The following PTPRF variants were observed in gnomAD, a reference collection of about 807,000 sequenced individuals.
The protein encoded by PTPRF is receptor-type tyrosine-protein phosphatase F.
A neutral mutation model predicts 201.8 loss-of-function variants in PTPRF; 59 were observed. The observed-to-expected ratio is 0.29, with a 90% CI of 0.24 to 0.36. The LOEUF (loss-of-function observed/expected upper bound fraction) is 0.36, where lower values mean the gene tolerates loss of function less well. Among genes scored for constraint, PTPRF ranks in the 10% least tolerant of loss-of-function variants. The pLI, the probability that PTPRF is intolerant of heterozygous loss-of-function variation, is 1.00. For missense variants in PTPRF, 2,132 were observed against 2,690.5 expected (o/e 0.79, Z 4.59); for synonymous variants, 1,088 against 1,089.7 (o/e 1.00, Z 0.03).
intron 7 of PTPRF, among the ~76,000 whole-genome samples, chr1:43,580,383 C>G (rs985653528): frequency 6.6e-6 from 1 of 152,172 alleles, no homozygotes; most frequent in African/African-American, 2.4e-5. Flanking sequence ...CCAGCCCATT[C>G]GGTGACCAGT....
intron 23 of PTPRF, among the ~76,000 whole-genome samples, chr1:43,615,976 G>A (rs1161587196): frequency 6.6e-6 from 1 of 152,128 alleles, no homozygotes; most frequent in Non-Finnish European, 1.5e-5. Flanking sequence ...GTCGTGGGGA[G>A]CATGTGCAGA....
rs542750376 is a variant in PTPRF at position 43,535,680 on chromosome 1, C to T, written c.-125-2518C>T. On this transcript the variant is annotated intron_variant, in intron 1 of 33. Coordinates refer to ENST00000359947, the MANE Select transcript of PTPRF (RefSeq NM_002840.5). The stretch of plus-strand genomic sequence containing the variant: ...GGGAACCCTACTGGGGCCAGCCCTG[C>T]GTTGGCCCCAAGGGCTTTCTTTCTT... Among the ~76,000 whole-genome samples, 3 of 152,302 alleles carry T rather than the reference C, an allele frequency of 2.0e-5. No homozygotes were observed. In the East Asian group the frequency reaches 5.8e-4, roughly 29 times the overall value.
At chr1:43,594,184 C>T (rs902428027) in intron 11 of PTPRF, among the ~76,000 whole-genome samples, 3 of 150,598 alleles carry the variant, frequency 2.0e-5, no homozygotes, top group East Asian at 2.0e-4. Context: ...AGGTCACACA[C>T]AGCCTCTTGA....
intron 33 of PTPRF, among the ~76,000 whole-genome samples, 170 bp from the exon 34 acceptor site, chr1:43,621,765 C>T (rs1282916311): frequency 2.0e-5 from 3 of 152,148 alleles, no homozygotes; most frequent in Non-Finnish European, 2.9e-5. Flanking sequence ...AGAGATGAGC[C>T]TTCAGAGGCT....
intron 1 of PTPRF, among the ~76,000 whole-genome samples, chr1:43,536,309 G>T (rs543322176): frequency 2.0e-5 from 3 of 152,192 alleles, no homozygotes; most frequent in African/African-American, 4.8e-5. Flanking sequence ...CCAGACTGAC[G>T]TGGTTCAAAG....
intron 7 of PTPRF, among the ~76,000 whole-genome samples, chr1:43,582,233 A>G (rs1420599243): frequency 1.3e-5 from 2 of 152,258 alleles, no homozygotes; most frequent in Non-Finnish European, 2.9e-5. Context: ...TGCCAGGCAC[A>G]CAGGAAGCAC....
intron 3 of PTPRF, among the ~76,000 whole-genome samples, chr1:43,547,025 A>AT (rs1644723445): frequency 1.3e-5 from 2 of 152,160 alleles, no homozygotes; most frequent in African/African-American, 4.8e-5. Context: ...TCTGCATTCC[A>AT]AAGGTAGAGT....
At chr1:43,598,654 GC>G in intron 12 of PTPRF, 65 bp from the exon 13 acceptor site, 2 of 1,473,480 alleles carry the variant, frequency 1.4e-6, no homozygotes, top group Non-Finnish European at 1.9e-6. Flanking sequence ...CCTCAAGTTT[GC>G]TGTGCCCACC....
At chr1:43,545,581 C>T (rs147970279) in intron 3 of PTPRF, among the ~76,000 whole-genome samples, 35 of 152,190 alleles carry the variant, frequency 2.3e-4, no homozygotes, top group African/African-American at 7.9e-4. Context: ...GCCCAGGACG[C>T]GGGTGTGTCC....
At chr1:43,582,669 C>T (rs1310761568) in intron 7 of PTPRF, 1 of 152,350 alleles carries the variant, frequency 6.6e-6, no homozygotes, top group East Asian at 1.9e-4. Flanking sequence ...GGGGTGGCTT[C>T]TAGTGGCTCC....
At chr1:43,559,321 G>A (rs1433552114) in intron 5 of PTPRF, among the ~76,000 whole-genome samples, 1 of 152,194 alleles carries the variant, frequency 6.6e-6, no homozygotes, top group Non-Finnish European at 1.5e-5. Flanking sequence ...TGTGTATGCA[G>A]CGCGCAGTGT....
intron 1 of PTPRF, 98 bp from the exon 2 acceptor site, chr1:43,538,100 T>C (rs371723294): frequency 1.1e-4 from 42 of 397,610 alleles, no homozygotes; most frequent in African/African-American, 2.9e-4. Context: ...TGCTTTTTTT[T>C]CTGCATAAAC....
rs1159222810 is a variant in PTPRF at position 43,591,995 on chromosome 1, G to A, written c.1668+47G>A. 11 of 1,608,268 alleles carry A rather than the reference G, an allele frequency of 6.8e-6. No homozygotes were observed. In the East Asian group the frequency reaches 2.2e-4, roughly 33 times the overall value. ...ACTGAGGGGGTCTCCTGGTCCCTGA[G>A]GGTCTGTGATGGGCTTAACCCAGGA... On this transcript the variant is annotated intron_variant, in intron 10 of 33. Transcript: ENST00000359947.
intron 9 of PTPRF, 117 bp downstream of exon 9, chr1:43,591,670 T>C: frequency 2.8e-6 from 4 of 1,437,010 alleles, no homozygotes; most frequent in Non-Finnish European, 3.7e-6. Flanking sequence ...AGGATCAAGG[T>C]GCCGTATTCC....
rs1020272144 is a variant in PTPRF, at chr1:43,603,161, GT to G, written c.2341-253del. On this transcript the variant is annotated intron_variant, in intron 14 of 33. Transcript: ENST00000359947. This position sits in a 1 kb window ranked among gnomAD's most constrained non-coding sequence, Gnocchi z 5.8. ...AGTGAGGGAAACAGTCTGGCCCTTTGTTCTTGTCTGAAAAGAATAATGAGCT... is the reference window on the plus strand; with the variant it reads ...AGTGAGGGAAACAGTCTGGCCCTTTGTCTTGTCTGAAAAGAATAATGAGCT... Among the ~76,000 whole-genome samples, 10 of 152,158 alleles carry G rather than the reference GT, an allele frequency of 6.6e-5. No homozygotes were observed. Among genetic ancestry groups the G allele is most frequent in the African/African-American group, 2.4e-4 (10 of 41,426 alleles).
chr1:43,549,748 G>A (rs1212727765), intron 3 of PTPRF, among the ~76,000 whole-genome samples: 1 of 152,034 alleles, frequency 6.6e-6, no homozygotes, highest in East Asian at 1.9e-4. Flanking sequence ...CCAGCTACTC[G>A]GGAGGCTGAG....
At position 43,617,745 on chromosome 1, in the gene PTPRF, G is replaced by A; in HGVS notation, c.4205G>A (p.Gly1402Glu). 6.2e-7 allele frequency: 1 copy of A among 1,613,462 alleles called. No homozygotes were observed. The highest frequency in any genetic ancestry group is 8.5e-7 in the Non-Finnish European group (1 of 1,179,502). ...CCTTTCTTATCCATAGGCGTCCCCG[G>A]GAGTGACTACATCAATGCCAACTAC... Reference protein sequence around the residue: ...VILTSIDGVPGSDYINANYID... With the variant: ...VILTSIDGVPESDYINANYID... Residue 1402 changes from glycine to glutamate, a missense_variant, in exon 25 of 34, where the codon GGG becomes GAG. Gly to Glu is a moderately conservative substitution (Grantham distance 98). Transcript: ENST00000359947.
chr1:43,588,687 GTGTCCTGCCCGGCC>G lies in PTPRF; in HGVS notation c.680-40_680-27del. On this transcript the variant is annotated intron_variant, in intron 7 of 33. Coordinates refer to ENST00000359947, the MANE Select transcript of PTPRF (RefSeq NM_002840.5). This position sits in a 1 kb window ranked among gnomAD's most constrained non-coding sequence, Gnocchi z 5.3. ...GGCCCCTGCCCTTCCATGCAGTCGT[GTGTCCTGCCCGGCC>G]TGTGAGTGCCTCTCTCCCTCCTCCT... The G allele has an allele frequency of 6.2e-7, 1 of 1,604,064 alleles. No individual in the cohort carries two copies. Among genetic ancestry groups the G allele is most frequent in the Non-Finnish European group, 8.5e-7 (1 of 1,176,718 alleles).
chr1:43,597,886 G>T lies in PTPRF; in HGVS notation c.1952G>T (p.Gly651Val). ...QYSVAYEAVD[G>V]EDRGRHVVDG... ...TCCGTGGCCTACGAGGCGGTGGACG[G>T]CGAGGACCGCGGGCGGCATGTGGTG... The change falls in exon 12 of 34, where the codon GGC becomes GTC. Residue 651 changes from glycine (G) to valine (V), a missense_variant. Physicochemically the swap from Gly to Val is moderately radical, Grantham distance 109 (BLOSUM62 -3). Around this residue, in one of 6 missense-constraint regions of PTPRF, gnomAD observed 125 missense variants for 211.9 expected, o/e 0.59. Coordinates refer to ENST00000359947, the MANE Select transcript of PTPRF (RefSeq NM_002840.5). 2 of 1,607,574 alleles carry T rather than the reference G, an allele frequency of 1.2e-6. No homozygotes were observed. Among genetic ancestry groups the T allele is most frequent in the Non-Finnish European group, 1.7e-6 (2 of 1,177,530 alleles).
Sources: allele counts gnomAD v4.1 joint callset (sites outside exome capture counted in the v4.1 genomes callset), GRCh38; gene constraint gnomAD v4.1.1; regional missense constraint gnomAD v4.1.1; non-coding constraint Gnocchi (gnomAD v3.1); transcripts MANE v1.5; gene names NCBI Gene and HGNC (gene_info 2026-07-23, HGNC 2026-07-21).